Variants in GIT2 observed in about 807,000 individuals in gnomAD.
The protein encoded by GIT2 is ARF GTPase-activating protein GIT2.
Under a neutral mutation model 100.3 loss-of-function variants are expected in GIT2, and 32 were observed. The ratio of observed to expected loss-of-function variants is 0.32; its 90% CI spans 0.24 to 0.43. GIT2 has a LOEUF of 0.43. GIT2 is among the 20% of genes least tolerant of loss of function. GIT2 has a pLI of 1.00. For missense variants in GIT2, 737 were observed against 975.1 expected (o/e 0.76, Z 3.25); for synonymous variants, 353 against 364.1 (o/e 0.97, Z 0.35).
chr12:109,994,910 C>T (rs1388967254), intron 1 of GIT2, among the ~76,000 whole-genome samples: 1 of 152,188 alleles, frequency 6.6e-6, no homozygotes, highest in Non-Finnish European at 1.5e-5. Context: ...TTAAACTCCT[C>T]CATACCCCCT....
Position 109,983,659 on chromosome 12 carries a change from T to C in GIT2, c.441A>G (p.Glu147=). 1 of 1,613,300 alleles carries C rather than the reference T, an allele frequency of 6.2e-7. No homozygotes were observed. Among genetic ancestry groups the C allele is most frequent in the Non-Finnish European group, 8.5e-7 (1 of 1,179,338 alleles). ...CTAAAGATAACAGTCTCAAACAGGT[T>C]TCAAGATTCCCTGTTCTCACGCTCG... ...LHSSVRTGNL[E]TCLRLLSLGA... Residue 147 remains glutamate, a synonymous_variant, in exon 5 of 20, where the codon GAA becomes GAG. Coordinates refer to ENST00000355312, the MANE Select transcript of GIT2 (RefSeq NM_057169.5).
chr12:109,946,177 C>T (rs370776015), intron 15 of GIT2, among the ~76,000 whole-genome samples: 3 of 152,224 alleles, frequency 2.0e-5, no homozygotes, highest in African/African-American at 4.8e-5. Context: ...ATTCCCATTA[C>T]ATCAAATGTA....
chr12:109,930,813 C>G lies in GIT2; in HGVS notation c.*2165G>C, dbSNP rs1871513840. On this transcript the variant is annotated 3_prime_UTR_variant, in exon 20 of 20. Coordinates refer to ENST00000355312, the MANE Select transcript of GIT2 (RefSeq NM_057169.5). The stretch of plus-strand genomic sequence containing the variant: ...CCAGAAGCCTCTACAGAAGCCCGTC[C>G]TCCCTGGGACAGCAGGGGCAGGGGT... The G allele has an allele frequency of 6.6e-6, 1 of 152,270 alleles. No individual in the cohort carries two copies. Among genetic ancestry groups the G allele is most frequent in the Non-Finnish European group, 1.5e-5 (1 of 68,082 alleles). The allele number at this position is 152,270 out of a possible 1,614,324, so 9.4% of individuals were successfully genotyped here. A position where few individuals can be genotyped will look rare whatever the true frequency, so the allele number is the denominator to read the frequency against.
intron 12 of GIT2, among the ~76,000 whole-genome samples, chr12:109,955,377 C>A (rs563664466): frequency 6.6e-6 from 1 of 152,258 alleles, no homozygotes; most frequent in South Asian, 2.1e-4. Flanking sequence ...CTGCCCACCT[C>A]GGCCTCCCAA....
Position 109,969,794 on chromosome 12 carries a change from C to T in GIT2, c.719-2291G>A, listed in dbSNP as rs1291515120. ...TTTTTGAGACGCGGTCTCACTCTGTCGCCCAGGCTGGAGTGCAGTGGTGTG... is the reference window on the plus strand; with the variant it reads ...TTTTTGAGACGCGGTCTCACTCTGTTGCCCAGGCTGGAGTGCAGTGGTGTG... On this transcript the variant is annotated intron_variant, in intron 7 of 19. Coordinates refer to ENST00000355312, the MANE Select transcript of GIT2 (RefSeq NM_057169.5). Among the ~76,000 whole-genome samples the T allele has an allele frequency of 4.6e-5, 7 of 151,652 alleles. No homozygotes were observed. The South Asian group carries it at 6.2e-4, about 14-fold the overall frequency.
Position 109,955,280 on chromosome 12 carries a change from C to T in GIT2, c.1100-2046G>A, listed in dbSNP as rs558577955. On this transcript the variant is annotated intron_variant, in intron 12 of 19. Transcript: ENST00000355312. Reference sequence around the variant, plus strand: ...CTAAGACTACAAGCGCCCGCCACCACACCCAGCTAATTTTTTTGTATTTTT... The same window carrying T: ...CTAAGACTACAAGCGCCCGCCACCATACCCAGCTAATTTTTTTGTATTTTT... Among the ~76,000 whole-genome samples the T allele has an allele frequency of 3.9e-5, 6 of 152,234 alleles. No individual in the cohort carries two copies. The South Asian group carries it at 6.2e-4, about 16-fold the overall frequency.
rs113590433 is a variant in GIT2 at position 109,943,692 on chromosome 12, C to CTT, written c.1731+1566_1731+1567dup. Among the ~76,000 whole-genome samples, 19 of 137,964 alleles carry CTT rather than the reference C, an allele frequency of 1.4e-4. No individual in the cohort carries two copies. The Middle Eastern group carries it at 0.016, about 113-fold the overall frequency. The allele number at this position is 137,964 out of a possible 152,430, so 90.5% of individuals were successfully genotyped here. A position where few individuals can be genotyped will look rare whatever the true frequency, so the allele number is the denominator to read the frequency against. ...TTTTTTTTTTTTAGTACAGTAATTC[C>CTT]TTTTTTTTTTTTGAGACAGGGCCTC... On this transcript the variant is annotated intron_variant, in intron 16 of 19. Transcript: ENST00000355312.
chr12:109,937,779 T>C (rs1873457703), intron 18 of GIT2, among the ~76,000 whole-genome samples: 1 of 152,214 alleles, frequency 6.6e-6, no homozygotes, highest in African/African-American at 2.4e-5. Flanking sequence ...CTTGGCTCGC[T>C]GCAACCTCCG....
chr12:109,940,932 AC>A (rs1214285405), intron 16 of GIT2, among the ~76,000 whole-genome samples: 9 of 148,082 alleles, frequency 6.1e-5, no homozygotes, highest in African/African-American at 1.2e-4. Context: ...AAAAAAAAAA[AC>A]CCCACAAAAC....
intron 12 of GIT2, among the ~76,000 whole-genome samples, chr12:109,958,063 G>A (rs1028908759): frequency 3.3e-5 from 5 of 151,772 alleles, no homozygotes; most frequent in African/African-American, 1.2e-4. Flanking sequence ...TCCTGCCTCA[G>A]CCTCCTGAGT....
At chr12:109,960,404 A>G (rs1428174092) in intron 11 of GIT2, among the ~76,000 whole-genome samples, 2 of 152,078 alleles carry the variant, frequency 1.3e-5, no homozygotes, top group Non-Finnish European at 2.9e-5. Context: ...CGGGAGGATC[A>G]CTTGAGGTCA....
chr12:109,996,689 T>C (rs1228361881), upstream of GIT2, among the ~76,000 whole-genome samples: 2 of 152,234 alleles, frequency 1.3e-5, no homozygotes, highest in East Asian at 3.8e-4. Flanking sequence ...TTATATACTG[T>C]CCCAGCCACT....
intron 16 of GIT2, among the ~76,000 whole-genome samples, chr12:109,943,408 A>G (rs1038668276): frequency 2.0e-5 from 3 of 151,602 alleles, no homozygotes; most frequent in Non-Finnish European, 4.4e-5. Context: ...GCTTACTGCA[A>G]CCTCCACTTC....
intron 16 of GIT2, chr12:109,939,474 A>G (rs1873961418): frequency 2.5e-6 from 1 of 402,240 alleles, no homozygotes; most frequent in Non-Finnish European, 4.7e-6. Flanking sequence ...GCCACTTCCT[A>G]ATCAGATCCT....
rs759657815 is a variant in GIT2 at position 109,971,735 on chromosome 12, G to A, written c.719-4232C>T. On this transcript the variant is annotated intron_variant, in intron 7 of 19. Coordinates refer to ENST00000355312, the MANE Select transcript of GIT2 (RefSeq NM_057169.5). ...TGGCAGGGTGCGGTGGCTCACACCTGTAATCCCAGCACTTTGGGAGGCCAA... is the reference window on the plus strand; with the variant it reads ...TGGCAGGGTGCGGTGGCTCACACCTATAATCCCAGCACTTTGGGAGGCCAA... Among the ~76,000 whole-genome samples the A allele has an allele frequency of 8.9e-4, 135 of 151,720 alleles. 1 individual carries two copies. Among genetic ancestry groups the A allele is most frequent in the Non-Finnish European group, 1.8e-3 (122 of 67,914 alleles).
At chr12:109,993,002 CA>C (rs1888705212) in intron 1 of GIT2, among the ~76,000 whole-genome samples, 1 of 151,088 alleles carries the variant, frequency 6.6e-6, no homozygotes, top group Admixed American at 6.6e-5. Flanking sequence ...CTACCAAGTC[CA>C]ATCCTGCAAC....
chr12:109,996,390 G>A (rs372815347), upstream of GIT2: 26 of 540,616 alleles, frequency 4.8e-5, no homozygotes, highest in East Asian at 6.2e-4. Flanking sequence ...GCGGGGAGGT[G>A]CCCTTCGGCG....
At chr12:109,952,497 C>G (rs1233058227) in intron 13 of GIT2, 1 of 518,854 alleles carries the variant, frequency 1.9e-6, no homozygotes, top group Non-Finnish European at 3.8e-6. Context: ...CACTCTCTTC[C>G]GTCGGGTGTC....
intron 16 of GIT2, among the ~76,000 whole-genome samples, chr12:109,944,318 T>G (rs927779595): frequency 1.3e-5 from 2 of 152,218 alleles, no homozygotes; most frequent in African/African-American, 4.8e-5. Flanking sequence ...CCACCTTGCC[T>G]GTAAAGGTGG....
Sources: allele counts gnomAD v4.1 joint callset (sites outside exome capture counted in the v4.1 genomes callset), GRCh38; gene constraint gnomAD v4.1.1; transcripts MANE v1.5; gene names NCBI Gene and HGNC (gene_info 2026-07-23, HGNC 2026-07-21).